The following WIPF1 variants were observed in gnomAD, a reference collection of about 807,000 sequenced individuals.
WIPF1 encodes WAS/WASL-interacting protein family member 1.
WIPF1 carries 13 observed loss-of-function variants against 35.4 expected under a neutral mutation model. The observed-to-expected ratio is 0.37, with a 90% CI of 0.24 to 0.58. The LOEUF (loss-of-function observed/expected upper bound fraction) is 0.58. Ranked by LOEUF, WIPF1 falls within the 20% of genes least tolerant of loss-of-function variation. The pLI, the probability that WIPF1 is intolerant of heterozygous loss-of-function variation, is 0.74. For missense variants in WIPF1, 591 were observed against 667.0 expected, an observed-to-expected ratio of 0.89 and a Z score of 1.25; for synonymous variants, 267 against 266.3, an observed-to-expected ratio of 1.00 and a Z score of -0.02.
intron 1 of WIPF1, among the ~76,000 whole-genome samples, chr2:174,678,148 T>A (rs1378089987): frequency 6.6e-6 from 1 of 152,180 alleles, no homozygotes; most frequent in African/African-American, 2.4e-5. Flanking sequence ...TTGGGCCAGA[T>A]CATAGAAAGT....
chr2:174,665,821 T>C (rs1687879257), intron 1 of WIPF1: 1 of 152,240 alleles, frequency 6.6e-6, no homozygotes, highest in African/African-American at 2.4e-5. Context: ...CTTTCTACAA[T>C]GGACTCTGCT....
At chr2:174,682,118 C>T (rs1688260596) in intron 1 of WIPF1, among the ~76,000 whole-genome samples, 3 of 152,226 alleles carry the variant, frequency 2.0e-5, no homozygotes, top group Admixed American at 1.3e-4. Flanking sequence ...TTCGGGGGAT[C>T]ACCCCCCCTC....
At chr2:174,567,228 T>A in intron 6 of WIPF1, 45 bp from the exon 7 acceptor site, 1 of 1,546,494 alleles carries the variant, frequency 6.5e-7, no homozygotes, top group Non-Finnish European at 8.9e-7. Flanking sequence ...GACAATGTGC[T>A]ATGAAGACTT....
At position 174,673,701 on chromosome 2, in the gene WIPF1, C is replaced by T. The variant is rs543431588; in HGVS notation, c.-39+9073G>A. The T allele has an allele frequency of 3.3e-5, 5 of 152,232 alleles. No individual in the cohort carries two copies. In the South Asian group the frequency reaches 1.0e-3, roughly 32 times the overall value. The allele number at this position is 152,232 out of a possible 1,614,324, so 9.4% of individuals were successfully genotyped here. ...ATGTACGCACTTATCTTTCAGGGGA[C>T]ACTGATCTGGACAATTCACCCTCAT... On this transcript the variant is annotated intron_variant, in intron 1 of 8. Coordinates refer to the WIPF1 transcript ENST00000272746.
Position 174,561,971 on chromosome 2 carries a change from A to C in WIPF1, c.*576T>G, listed in dbSNP as rs1028147570. The C allele has an allele frequency of 2.5e-5, 32 of 1,291,374 alleles. No homozygotes were observed. Among genetic ancestry groups the C allele is most frequent in the Non-Finnish European group, 1.2e-5 (11 of 939,132 alleles). The allele number at this position is 1,291,374 out of a possible 1,614,324, so 80.0% of individuals were successfully genotyped here. On this transcript the variant is annotated 3_prime_UTR_variant, in exon 8 of 8. Transcript: ENST00000679041. ...GGATGCATATTAACTTCACTTGTTTAAAATATATTAGAAATGTAAAAATTG... is the reference window on the plus strand; with the variant it reads ...GGATGCATATTAACTTCACTTGTTTCAAATATATTAGAAATGTAAAAATTG...
chr2:174,563,110 C>G lies in WIPF1; in HGVS notation c.1457-508G>C, dbSNP rs183429680. Among the ~76,000 whole-genome samples the G allele has an allele frequency of 4.8e-3, 731 of 152,264 alleles. 3 individuals carry two copies. The highest frequency in any genetic ancestry group is 0.017 in the African/African-American group (705 of 41,560). On this transcript the variant is annotated intron_variant, in intron 7 of 7. Coordinates refer to ENST00000679041, the MANE Select transcript of WIPF1 (RefSeq NM_001375834.1). The stretch of plus-strand genomic sequence containing the variant: ...CACTACAGTCTACCTAGTCAATTCC[C>G]TTTTGTTGGGCATTTAGGTATCTTC...
intron 3 of WIPF1, among the ~76,000 whole-genome samples, chr2:174,578,528 T>C (rs1359937569): frequency 6.6e-6 from 1 of 152,230 alleles, no homozygotes; most frequent in East Asian, 1.9e-4. Flanking sequence ...ATGCTTTTCT[T>C]AGAAAAGTAC....
Position 174,585,588 on chromosome 2 carries a change from C to T in WIPF1, c.-15G>A, listed in dbSNP as rs184894583. The T allele has an allele frequency of 3.1e-6, 5 of 1,611,598 alleles. No homozygotes were observed. The highest frequency in any genetic ancestry group is 2.2e-5 in the East Asian group (1 of 44,838). On this transcript the variant is annotated 5_prime_UTR_variant, in exon 2 of 8. Coordinates refer to ENST00000679041, the MANE Select transcript of WIPF1 (RefSeq NM_001375834.1). ...GGGACAGGCATCTTGGGCAGTTATG[C>T]GTTCAACAGTCTTGCTGATAAATCT...
intron 1 of WIPF1, among the ~76,000 whole-genome samples, chr2:174,596,704 A>C (rs892566607): frequency 3.9e-5 from 6 of 152,224 alleles, no homozygotes; most frequent in Non-Finnish European, 7.3e-5. Context: ...CCTGACCAAC[A>C]TGATGAAACC....
intron 1 of WIPF1, among the ~76,000 whole-genome samples, chr2:174,633,164 C>G (rs2105935924): frequency 6.6e-6 from 1 of 152,302 alleles, no homozygotes; most frequent in Non-Finnish European, 1.5e-5. Flanking sequence ...TCTCTGTCAG[C>G]TTTGTCTCCA....
At chr2:174,584,531 G>A (rs772051200) in intron 2 of WIPF1, among the ~76,000 whole-genome samples, 10 of 152,184 alleles carry the variant, frequency 6.6e-5, no homozygotes, top group African/African-American at 1.4e-4. Context: ...GTAACAGAGC[G>A]TATCTTGGGG....
Position 174,652,229 on chromosome 2 carries a change from G to A in WIPF1, c.-39+30545C>T, listed in dbSNP as rs368333297. The stretch of plus-strand genomic sequence containing the variant: ...CCACAGGCCCACCTCTCATTGTGAG[G>A]AGAGTCAACGTATTTACAATCATGT... On this transcript the variant is annotated intron_variant, in intron 1 of 8. Transcript: ENST00000272746. Among the ~76,000 whole-genome samples, 3 of 152,288 alleles carry A rather than the reference G, an allele frequency of 2.0e-5. No individual in the cohort carries two copies. In the East Asian group the frequency reaches 5.8e-4, roughly 29 times the overall value.
At chr2:174,652,583 A>C (rs953435473) in intron 1 of WIPF1, among the ~76,000 whole-genome samples, 1 of 152,174 alleles carries the variant, frequency 6.6e-6, no homozygotes, top group African/African-American at 2.4e-5. Context: ...CAGATGCCCG[A>C]GGTTAAATTA....
intron 1 of WIPF1, among the ~76,000 whole-genome samples, chr2:174,610,969 TAGA>T (rs1042582366): frequency 4.6e-5 from 7 of 152,126 alleles, no homozygotes; most frequent in African/African-American, 7.2e-5. Context: ...TTTCTAGAAA[TAGA>T]AGTGTTTTAT....
intron 1 of WIPF1, among the ~76,000 whole-genome samples, chr2:174,619,248 T>C (rs1316174103): frequency 5.9e-5 from 9 of 152,226 alleles, no homozygotes; most frequent in Non-Finnish European, 1.0e-4. Flanking sequence ...TTGTTATCCT[T>C]TCATGCCACT....
intron 1 of WIPF1, among the ~76,000 whole-genome samples, chr2:174,654,994 G>A (rs942906526): frequency 1.3e-5 from 2 of 152,190 alleles, no homozygotes; most frequent in Non-Finnish European, 2.9e-5. Context: ...GCAGACCACT[G>A]AATTCAAAGG....
At chr2:174,592,418 C>G (rs1468636577) in intron 1 of WIPF1, among the ~76,000 whole-genome samples, 10 of 151,442 alleles carry the variant, frequency 6.6e-5, no homozygotes, top group Non-Finnish European at 2.9e-5. Context: ...CCCTTAAATA[C>G]TATCATACCT....
At chr2:174,676,315 CTTTTTTTTTTT>C (rs75689219) in intron 1 of WIPF1, 3 of 55,030 alleles carry the variant, frequency 5.5e-5, no homozygotes, top group Non-Finnish European at 9.2e-5. Context: ...TCCCTCCCTT[CTTTTTTTTTTT>C]TTTTTTTTTT....
chr2:174,663,012 A>C (rs544943629), intron 1 of WIPF1, among the ~76,000 whole-genome samples: 45 of 152,350 alleles, frequency 3.0e-4, no homozygotes, highest in African/African-American at 1.1e-3. Context: ...GCAGTAGAGA[A>C]GTTAGAGAGA....
Sources: gnomAD v4.1 joint callset for allele counts (sites outside exome capture counted in the v4.1 genomes callset) on GRCh38, gnomAD v4.1.1 for gene constraint, MANE v1.5 for transcripts, NCBI Gene and HGNC (gene_info 2026-07-23, HGNC 2026-07-21) for gene names.